Variants in RORB observed in about 807,000 individuals in gnomAD.
RORB encodes the protein RAR related orphan receptor B, also known as nuclear receptor ROR-beta.
RORB carries 6 observed loss-of-function variants against 59.1 expected under a neutral mutation model. The ratio of observed to expected loss-of-function variants is 0.10; its 90% CI spans 0.06 to 0.20. The LOEUF (loss-of-function observed/expected upper bound fraction) is 0.20. RORB is among the 10% of genes least tolerant of loss of function. The probability of loss-of-function intolerance (pLI) is 1.00; values close to 1 mark genes in which losing one functional copy is unlikely to be tolerated. For missense variants in RORB, 320 were observed against 560.5 expected (o/e 0.57, Z 4.33); for synonymous variants, 215 against 204.5 (o/e 1.05, Z -0.44).
chr9:74,610,541 A>T (rs1823218958), intron 1 of RORB, among the ~76,000 whole-genome samples: 1 of 152,232 alleles, frequency 6.6e-6, no homozygotes, highest in Admixed American at 6.5e-5. Context: ...GCAAAATTAA[A>T]TTAAATTAAT....
intron 4 of RORB, among the ~76,000 whole-genome samples, chr9:74,646,373 A>G (rs1823899104): frequency 6.6e-6 from 1 of 152,166 alleles, no homozygotes. Context: ...TATATGAGCA[A>G]CTGCATGCAG....
At chr9:74,554,485 ACAGT>A (rs5898357) in intron 1 of RORB, among the ~76,000 whole-genome samples, 4,555 of 152,192 alleles carry the variant, frequency 0.03, 223 homozygotes, top group African/African-American at 0.099. Context: ...ATGAGCAGAC[ACAGT>A]CAGCCCTGTT....
chr9:74,532,835 T>G (rs1204798078), intron 1 of RORB, among the ~76,000 whole-genome samples: 1 of 135,086 alleles, frequency 7.4e-6, no homozygotes, highest in African/African-American at 2.7e-5. Flanking sequence ...TGTGTATATA[T>G]ATACACATAT....
chr9:74,622,519 A>ATTTTTTT lies in RORB; in HGVS notation c.8-7744_8-7738dup, dbSNP rs33946613. 5.3e-4 allele frequency among the ~76,000 whole-genome samples: 39 copies of ATTTTTTT among 74,142 alleles called. 3 individuals carry two copies. Among genetic ancestry groups the ATTTTTTT allele is most frequent in the African/African-American group, 6.7e-4 (12 of 17,866 alleles). 48.6% of individuals were successfully genotyped at this position (74,142 alleles called of 152,430 possible). A position where few individuals can be genotyped will look rare whatever the true frequency, so the allele number is the denominator to read the frequency against. On this transcript the variant is annotated intron_variant, in intron 1 of 9. Coordinates refer to ENST00000376896, the MANE Select transcript of RORB (RefSeq NM_006914.4). ...TCACAGAGATGCTGTTACAACCCAG[A>ATTTTTTT]TTTTTTTTTTTTTTTTTTTTTTTTT...
chr9:74,651,459 T>A (rs533596626), intron 4 of RORB, among the ~76,000 whole-genome samples: 3 of 151,576 alleles, frequency 2.0e-5, no homozygotes, highest in South Asian at 2.1e-4. Context: ...TGCTTGAACC[T>A]GGGAGGCAGA....
chr9:74,579,535 C>T (rs978483456), intron 1 of RORB, among the ~76,000 whole-genome samples: 2 of 152,010 alleles, frequency 1.3e-5, no homozygotes, highest in African/African-American at 2.4e-5. Context: ...TGTTGCAATA[C>T]ACAAAAGTTG....
In RORB at chr9:74,634,671, C is replaced by T; in HGVS notation, c.134C>T (p.Ser45Phe). Residue 45 changes from serine (S) to phenylalanine (F), a missense_variant, in exon 3 of 10, where the codon TCC (serine) becomes TTC (phenylalanine). Ser to Phe is a radical substitution (Grantham distance 155). Transcript: ENST00000376896. ...RRSQQNNASY[S>F]CPRQRNCLID... ...AGCCAGCAGAACAATGCTTCTTATT[C>T]CTGCCCAAGGCAGAGAAACTGTTTA... is the stretch of plus-strand genomic sequence containing the variant. 1 of 1,613,280 alleles carries T rather than the reference C, an allele frequency of 6.2e-7. No homozygotes were observed. Among genetic ancestry groups the T allele is most frequent in the Non-Finnish European group, 8.5e-7 (1 of 1,179,542 alleles).
At chr9:74,555,870 C>A (rs977313211) in intron 1 of RORB, among the ~76,000 whole-genome samples, 6 of 152,174 alleles carry the variant, frequency 3.9e-5, no homozygotes, top group African/African-American at 1.4e-4. Flanking sequence ...TCTGTAAGCC[C>A]AGCAGAAATT....
Position 74,598,356 on chromosome 9 carries a change from A to G in RORB, c.8-31926A>G, listed in dbSNP as rs183185129. On this transcript the variant is annotated intron_variant, in intron 1 of 9. Transcript: ENST00000376896. Reference sequence around the variant, plus strand: ...ATCTACCATTTATTCCCCTGTGAAGATCCTAACAGCCCACTCTCGATCTGC... The same window carrying G: ...ATCTACCATTTATTCCCCTGTGAAGGTCCTAACAGCCCACTCTCGATCTGC... Among the ~76,000 whole-genome samples, 189 of 152,268 alleles carry G rather than the reference A, an allele frequency of 1.2e-3. 1 individual carries two copies. The highest frequency in any genetic ancestry group is 4.3e-3 in the African/African-American group (180 of 41,546).
chr9:74,638,451 C>T lies in RORB; in HGVS notation c.235+3679C>T, dbSNP rs193113348. Among the ~76,000 whole-genome samples, 326 of 152,290 alleles carry T rather than the reference C, an allele frequency of 2.1e-3. 6 individuals are homozygous for T. The highest frequency in any genetic ancestry group is 7.4e-3 in the African/African-American group (307 of 41,576). On this transcript the variant is annotated intron_variant, in intron 3 of 9. Transcript: ENST00000376896. Reference sequence around the variant, plus strand: ...CCACATCATTGAATATTTATAAGCACTTGCAATGTATACAGAATTGTGCTG... The same window carrying T: ...CCACATCATTGAATATTTATAAGCATTTGCAATGTATACAGAATTGTGCTG...
chr9:74,625,366 C>G (rs953693736), intron 1 of RORB, among the ~76,000 whole-genome samples: 6 of 152,184 alleles, frequency 3.9e-5, no homozygotes, highest in African/African-American at 1.4e-4. Context: ...GTAATTCCAG[C>G]CCTTTGGGAG....
chr9:74,507,845 G>T (rs1825889860), intron 1 of RORB, among the ~76,000 whole-genome samples: 1 of 151,970 alleles, frequency 6.6e-6, no homozygotes, highest in Admixed American at 6.6e-5. Context: ...AAGAAACCTT[G>T]TTCCAAATTT....
At chr9:74,511,100 T>G (rs1825931252) in intron 1 of RORB, among the ~76,000 whole-genome samples, 1 of 152,188 alleles carries the variant, frequency 6.6e-6, no homozygotes, top group Admixed American at 6.6e-5. Context: ...TAGGGAAACC[T>G]TAGTTGTAAT....
rs142696072 is a variant in RORB at position 74,601,457 on chromosome 9, C to T, written c.8-28825C>T. ...TTCCCCTCACATGCCTAACCATCTC[C>T]CCAAGGCAATCAGTTTTACCAGTTT... On this transcript the variant is annotated intron_variant, in intron 1 of 9. Transcript: ENST00000376896. Among the ~76,000 whole-genome samples the T allele has an allele frequency of 9.2e-5, 14 of 151,514 alleles. 1 individual carries two copies. Among genetic ancestry groups the T allele is most frequent in the African/African-American group, 3.4e-4 (14 of 41,376 alleles).
chr9:74,624,725 C>T (rs1169144656), intron 1 of RORB, among the ~76,000 whole-genome samples: 1 of 152,160 alleles, frequency 6.6e-6, no homozygotes, highest in Non-Finnish European at 1.5e-5. Context: ...AGATTTTTAA[C>T]TTGGATTTGT....
chr9:74,681,530 C>T (rs1320185625), intron 9 of RORB, among the ~76,000 whole-genome samples: 2 of 152,194 alleles, frequency 1.3e-5, no homozygotes, highest in African/African-American at 2.4e-5. Context: ...TGCTCTTTAA[C>T]AGAAAGCAAT....
rs539939794 is a variant in RORB at position 74,503,629 on chromosome 9, G to A, written c.7+5646G>A. Among the ~76,000 whole-genome samples the A allele has an allele frequency of 9.4e-4, 143 of 151,948 alleles. 1 individual carries two copies. Among genetic ancestry groups the A allele is most frequent in the African/African-American group, 3.3e-3 (136 of 41,496 alleles). On this transcript the variant is annotated intron_variant, in intron 1 of 9. Coordinates refer to ENST00000376896, the MANE Select transcript of RORB (RefSeq NM_006914.4). ...TACCTAATGATAATTAGAGGGAAAGGGAATCAAAGAATTCAGGACTGCCAA... is the reference window on the plus strand; with the variant it reads ...TACCTAATGATAATTAGAGGGAAAGAGAATCAAAGAATTCAGGACTGCCAA...
chr9:74,511,912 C>A (rs564663275), intron 1 of RORB, among the ~76,000 whole-genome samples: 1 of 151,218 alleles, frequency 6.6e-6, no homozygotes, highest in South Asian at 2.1e-4. Context: ...ACTCACAAGA[C>A]CTTAGAGTCT....
intron 9 of RORB, among the ~76,000 whole-genome samples, chr9:74,679,055 AAAC>A (rs1824495250): frequency 6.8e-6 from 1 of 146,690 alleles, no homozygotes; most frequent in East Asian, 2.3e-4. Flanking sequence ...AAAAACAAAC[AAAC>A]AAAAAAAAAA....
Sources: allele counts gnomAD v4.1 joint callset (sites outside exome capture counted in the v4.1 genomes callset), GRCh38; gene constraint gnomAD v4.1.1; transcripts MANE v1.5; gene names NCBI Gene and HGNC (gene_info 2026-07-23, HGNC 2026-07-21).